RAD51B: variants seen among roughly 807,000 people sequenced by gnomAD.
The protein encoded by RAD51B is DNA repair protein RAD51 homolog 2.
A neutral mutation model predicts 42.2 loss-of-function variants in RAD51B; 38 were observed. That is an observed-to-expected ratio of 0.90 (90% CI 0.70 to 1.18). The LOEUF is 1.18. RAD51B is among the 50% of genes most tolerant of loss of function. The pLI, the probability that RAD51B is intolerant of heterozygous loss-of-function variation, is 0.00. For missense variants in RAD51B, 373 were observed against 400.7 expected (o/e 0.93, Z 0.59); for synonymous variants, 154 against 145.2 (o/e 1.06, Z -0.43).
At chr14:68,065,067 T>C (rs2076628192) in intron 7 of RAD51B, among the ~76,000 whole-genome samples, 1 of 152,188 alleles carries the variant, frequency 6.6e-6, no homozygotes, top group African/African-American at 2.4e-5. Flanking sequence ...TATCTGTGCA[T>C]CTGGTGGAAC....
intron 5 of RAD51B, among the ~76,000 whole-genome samples, chr14:67,880,137 A>C (rs770696157): frequency 6.6e-6 from 1 of 152,212 alleles, no homozygotes; most frequent in Non-Finnish European, 1.5e-5. Context: ...ACTGATCTGA[A>C]CAAAAAGTAT....
chr14:68,310,711 G>T (rs1441927850), intron 8 of RAD51B, among the ~76,000 whole-genome samples: 1 of 152,102 alleles, frequency 6.6e-6, no homozygotes, highest in Non-Finnish European at 1.5e-5. Flanking sequence ...TGGGTGTGGT[G>T]GTGCACATCT....
intron 8 of RAD51B, among the ~76,000 whole-genome samples, chr14:68,293,997 T>C (rs1004065383): frequency 2.0e-5 from 3 of 152,186 alleles, no homozygotes; most frequent in Middle Eastern, 3.2e-3. Flanking sequence ...TTGTTAAAAA[T>C]TGTTATAATT....
At chr14:68,552,994 G>A (rs1189453773) in intron 10 of RAD51B, among the ~76,000 whole-genome samples, 1 of 152,206 alleles carries the variant, frequency 6.6e-6, no homozygotes, top group Non-Finnish European at 1.5e-5. Flanking sequence ...CTAAGAATAA[G>A]TAAAAATCCC....
rs888925604 is a variant in RAD51B at position 68,146,251 on chromosome 14, A to G, written c.757-145633A>G. Among the ~76,000 whole-genome samples, 25 of 152,260 alleles carry G rather than the reference A, an allele frequency of 1.6e-4. 1 individual carries two copies. Among genetic ancestry groups the G allele is most frequent in the African/African-American group, 5.1e-4 (21 of 41,536 alleles). ...GAATGCCTGAGCTCAGGAGTTTGAG[A>G]CCAGCTTGGGCAACGTGGTGAAACC... On this transcript the variant is annotated intron_variant, in intron 7 of 10. Coordinates refer to ENST00000471583, the MANE Select transcript of RAD51B (RefSeq NM_133510.4).
downstream of RAD51B, among the ~76,000 whole-genome samples, chr14:68,615,335 ATCT>A (rs528122832): frequency 2.6e-5 from 4 of 151,628 alleles, no homozygotes; most frequent in Non-Finnish European, 5.9e-5. Context: ...GAATTGTTAA[ATCT>A]TCTTAAATTT....
At chr14:68,577,205 A>T (rs1419085721) in intron 10 of RAD51B, among the ~76,000 whole-genome samples, 1 of 152,174 alleles carries the variant, frequency 6.6e-6, no homozygotes, top group African/African-American at 2.4e-5. Flanking sequence ...ACTCAAAAGG[A>T]GACACATGGG....
In RAD51B at chr14:67,916,548, A is replaced by AT. The variant is rs112376277; in HGVS notation, c.756+29355dup. On this transcript the variant is annotated intron_variant, in intron 7 of 10. Transcript: ENST00000471583. ...GTGAGCCACAGTGCCTGACAGTAAT[A>AT]TTTTTTTTTTTATTAGAAACATAAG... 9.1e-3 allele frequency among the ~76,000 whole-genome samples: 1,337 copies of AT among 147,542 alleles called. 23 individuals carry two copies. The highest frequency in any genetic ancestry group is 0.031 in the African/African-American group (1,244 of 40,586).
At chr14:67,904,480 A>G (rs1344376975) in intron 7 of RAD51B, among the ~76,000 whole-genome samples, 3 of 145,304 alleles carry the variant, frequency 2.1e-5, no homozygotes, top group South Asian at 2.2e-4. Flanking sequence ...TGATTTTAGT[A>G]TACATTTCTC....
intron 7 of RAD51B, among the ~76,000 whole-genome samples, chr14:67,915,632 T>A (rs771532668): frequency 2.0e-5 from 3 of 152,220 alleles, no homozygotes; most frequent in Non-Finnish European, 4.4e-5. Flanking sequence ...TTGAAAGGGC[T>A]TGCCCCAGCT....
intron 7 of RAD51B, among the ~76,000 whole-genome samples, chr14:68,112,549 T>G (rs2077475882): frequency 6.6e-6 from 1 of 152,128 alleles, no homozygotes; most frequent in African/African-American, 2.4e-5. Flanking sequence ...AATTTTAATT[T>G]TTAATATTGT....
chr14:67,874,050 G>A (rs1365318762), intron 5 of RAD51B, among the ~76,000 whole-genome samples: 1 of 151,598 alleles, frequency 6.6e-6, no homozygotes, highest in Non-Finnish European at 1.5e-5. Context: ...TAACTAACCT[G>A]CACATTGTGC....
chr14:68,222,354 G>A (rs1013533864), intron 7 of RAD51B, among the ~76,000 whole-genome samples: 13 of 152,302 alleles, frequency 8.5e-5, no homozygotes, highest in South Asian at 2.1e-4. Context: ...CCATAAAAAG[G>A]AATGAAATAA....
At chr14:68,580,510 G>A (rs1890164614) in intron 10 of RAD51B, among the ~76,000 whole-genome samples, 1 of 152,162 alleles carries the variant, frequency 6.6e-6, no homozygotes, top group South Asian at 2.1e-4. Context: ...AGTGGGAAGT[G>A]TTTGGGACAG....
chr14:68,046,797 C>T (rs2076307535), intron 7 of RAD51B, among the ~76,000 whole-genome samples: 1 of 152,164 alleles, frequency 6.6e-6, no homozygotes, highest in African/African-American at 2.4e-5. Flanking sequence ...TAACTATTGA[C>T]ACTTCTTTAT....
At chr14:68,139,871 C>T (rs1204015904) in intron 7 of RAD51B, among the ~76,000 whole-genome samples, 2 of 152,172 alleles carry the variant, frequency 1.3e-5, no homozygotes, top group Middle Eastern at 3.2e-3. Context: ...CGAGGACAGG[C>T]TCTAGAATGA....
chr14:68,535,234 C>T (rs1887547406), intron 10 of RAD51B, among the ~76,000 whole-genome samples: 2 of 152,132 alleles, frequency 1.3e-5, no homozygotes, highest in African/African-American at 2.4e-5. Context: ...AAAAGTTAAA[C>T]AATAAATATG....
chr14:67,907,581 C>T (rs1311370133), intron 7 of RAD51B, among the ~76,000 whole-genome samples: 1 of 151,930 alleles, frequency 6.6e-6, no homozygotes, highest in Non-Finnish European at 1.5e-5. Context: ...GCTGGGGGTC[C>T]AGCTGGAACA....
chr14:68,346,731 G>T (rs1486129382), intron 8 of RAD51B, among the ~76,000 whole-genome samples: 2 of 152,014 alleles, frequency 1.3e-5, no homozygotes, highest in African/African-American at 4.8e-5. Flanking sequence ...ATACATACAG[G>T]GACCTCAAGG....
Sources: allele counts gnomAD v4.1 joint callset (sites outside exome capture counted in the v4.1 genomes callset), GRCh38; gene constraint gnomAD v4.1.1; transcripts MANE v1.5; gene names NCBI Gene and HGNC (gene_info 2026-07-23, HGNC 2026-07-21).